SYNPR: variants seen among roughly 807,000 people sequenced by gnomAD.
SYNPR encodes the protein synaptoporin.
SYNPR carries 23 observed loss-of-function variants against 32.9 expected under a neutral mutation model. That is an observed-to-expected ratio of 0.70 (90% CI 0.50 to 0.99). SYNPR has a LOEUF of 0.99. SYNPR is among the 50% of genes least tolerant of loss of function. SYNPR has a pLI of 0.00. For synonymous variants in SYNPR, 146 were observed against 135.9 expected, an observed-to-expected ratio of 1.07 and a Z score of -0.52; for missense variants, 318 against 349.3, an observed-to-expected ratio of 0.91 and a Z score of 0.71.
intron 4 of SYNPR, among the ~76,000 whole-genome samples, chr3:63,569,510 T>A (rs892198533): frequency 5.9e-5 from 9 of 152,240 alleles, no homozygotes; most frequent in African/African-American, 2.2e-4. Flanking sequence ...AAATAACTTG[T>A]TCTAAGGAGC....
At chr3:63,474,894 A>G (rs1282193845) in intron 2 of SYNPR, among the ~76,000 whole-genome samples, 3 of 152,096 alleles carry the variant, frequency 2.0e-5, no homozygotes, top group African/African-American at 7.2e-5. Flanking sequence ...CATCCCTACA[A>G]GTGCCATTAA....
At chr3:63,498,332 G>C (rs1230409171) in intron 3 of SYNPR, among the ~76,000 whole-genome samples, 1 of 152,126 alleles carries the variant, frequency 6.6e-6, no homozygotes, top group East Asian at 1.9e-4. Context: ...GCCAGGAGCT[G>C]TTCTTGGTGC....
intron 1 of SYNPR, among the ~76,000 whole-genome samples, chr3:63,237,555 T>C (rs2086208819): frequency 6.6e-6 from 1 of 151,926 alleles, no homozygotes; most frequent in Non-Finnish European, 1.5e-5. Context: ...TGGCATCGGC[T>C]GGTTGTCTTC....
At chr3:63,483,600 C>T (rs978043132) in intron 3 of SYNPR, among the ~76,000 whole-genome samples, 1 of 151,996 alleles carries the variant, frequency 6.6e-6, no homozygotes, top group Non-Finnish European at 1.5e-5. Flanking sequence ...ACATATGATA[C>T]CTTGGTAATT....
intron 2 of SYNPR, among the ~76,000 whole-genome samples, chr3:63,332,825 C>A (rs545219514): frequency 6.6e-6 from 1 of 152,064 alleles, no homozygotes; most frequent in Non-Finnish European, 1.5e-5. Context: ...TCTATATTAT[C>A]CAAGAGCATG....
At chr3:63,392,788 G>A (rs1327236897) in intron 2 of SYNPR, among the ~76,000 whole-genome samples, 1 of 151,866 alleles carries the variant, frequency 6.6e-6, no homozygotes, top group Non-Finnish European at 1.5e-5. Context: ...TATTATTATA[G>A]TTAACTTTTG....
intron 2 of SYNPR, among the ~76,000 whole-genome samples, chr3:63,460,244 T>G (rs919766828): frequency 6.6e-6 from 1 of 152,076 alleles, no homozygotes; most frequent in African/African-American, 2.4e-5. Context: ...GATTATATCT[T>G]CCTGTAATGC....
At chr3:63,303,142 G>A (rs2086874615) in intron 2 of SYNPR, among the ~76,000 whole-genome samples, 2 of 151,648 alleles carry the variant, frequency 1.3e-5, no homozygotes, top group Non-Finnish European at 2.9e-5. Flanking sequence ...TTGAAATACT[G>A]GCTTTGGAAA....
intron 2 of SYNPR, chr3:63,445,667 C>G (rs1440595846): frequency 1.8e-6 from 1 of 560,552 alleles, no homozygotes; most frequent in Non-Finnish European, 3.2e-6. Context: ...AGGGCCATAA[C>G]ATTACCTCTC....
chr3:63,417,083 C>A (rs2088552066), intron 2 of SYNPR, among the ~76,000 whole-genome samples: 1 of 152,210 alleles, frequency 6.6e-6, no homozygotes, highest in Non-Finnish European at 1.5e-5. Context: ...CAAGGCCAGT[C>A]CCTTCCACTT....
At chr3:63,255,051 C>G (rs2086370269) in intron 2 of SYNPR, among the ~76,000 whole-genome samples, 1 of 152,138 alleles carries the variant, frequency 6.6e-6, no homozygotes, top group Non-Finnish European at 1.5e-5. Flanking sequence ...TCAAGATCAC[C>G]AGTCCATGGT....
At chr3:63,452,684 G>C (rs1700400571) in intron 2 of SYNPR, among the ~76,000 whole-genome samples, 1 of 152,032 alleles carries the variant, frequency 6.6e-6, no homozygotes, top group Non-Finnish European at 1.5e-5. Context: ...TGGGGAAAAT[G>C]AGACGTAGAG....
intron 2 of SYNPR, among the ~76,000 whole-genome samples, chr3:63,303,504 C>A (rs1462973876): frequency 6.6e-6 from 1 of 151,968 alleles, no homozygotes; most frequent in African/African-American, 2.4e-5. Flanking sequence ...AATATGTCTA[C>A]AAAACAATAA....
rs556942080 is a variant in SYNPR, at chr3:63,370,873, C to T, written c.84+92131C>T. Among the ~76,000 whole-genome samples the T allele has an allele frequency of 5.3e-5, 8 of 152,254 alleles. No individual in the cohort carries two copies. In the East Asian group the frequency reaches 9.7e-4, roughly 18 times the overall value. ...GACCCCTATATAAACACAGTGGATT[C>T]ATAAACCCAGAAAATATCCTCTAAT... On this transcript the variant is annotated intron_variant, in intron 2 of 5. Transcript: ENST00000478300.
intron 2 of SYNPR, among the ~76,000 whole-genome samples, chr3:63,369,004 C>A (rs2087764115): frequency 6.6e-6 from 1 of 152,146 alleles, no homozygotes. Context: ...CATGTGTCTG[C>A]AAAATTCACA....
intron 2 of SYNPR, among the ~76,000 whole-genome samples, chr3:63,344,550 A>ATTTTTT (rs10627844): frequency 2.3e-5 from 3 of 130,530 alleles, no homozygotes; most frequent in Middle Eastern, 4.4e-3. Flanking sequence ...TTCAAAAAAG[A>ATTTTTT]TTTTTTTTTT....
chr3:63,306,194 A>G (rs1364204240), intron 2 of SYNPR, among the ~76,000 whole-genome samples: 4 of 151,970 alleles, frequency 2.6e-5, no homozygotes, highest in Non-Finnish European at 5.9e-5. Flanking sequence ...TGTCTTATGC[A>G]TCTCATCGAT....
rs1491020326 is a variant in SYNPR, at chr3:63,293,802, T to TGC, written c.84+15061_84+15062dup. Among the ~76,000 whole-genome samples the TGC allele has an allele frequency of 3.3e-5, 5 of 150,374 alleles. No individual in the cohort carries two copies. In the East Asian group the frequency reaches 9.8e-4, roughly 29 times the overall value. Reference sequence around the variant, plus strand: ...GTTATACTGTGTGTGTGTGTGTGTGTGCCTAAAATTTCCCTTTTTCTATGA... The same window carrying TGC: ...GTTATACTGTGTGTGTGTGTGTGTGTGCGCCTAAAATTTCCCTTTTTCTATGA... On this transcript the variant is annotated intron_variant, in intron 2 of 5. Coordinates refer to ENST00000478300, the MANE Select transcript of SYNPR (RefSeq NM_001130003.2).
At chr3:63,498,581 G>C (rs963077296) in intron 3 of SYNPR, among the ~76,000 whole-genome samples, 1 of 152,124 alleles carries the variant, frequency 6.6e-6, no homozygotes, top group Non-Finnish European at 1.5e-5. Flanking sequence ...TAGCAAGAAA[G>C]ATGAACGATT....
Sources: gnomAD v4.1 joint callset for allele counts (sites outside exome capture counted in the v4.1 genomes callset) on GRCh38, gnomAD v4.1.1 for gene constraint, MANE v1.5 for transcripts, NCBI Gene and HGNC (gene_info 2026-07-23, HGNC 2026-07-21) for gene names.